Variants in FMN1 observed in about 807,000 individuals in gnomAD.
The protein encoded by FMN1 is formin-1.
FMN1 carries 110 observed loss-of-function variants against 132.4 expected under a neutral mutation model. The observed-to-expected ratio is 0.83, with a 90% CI of 0.71 to 0.97. FMN1 has a LOEUF of 0.97. Ranked by LOEUF, FMN1 falls within the 50% of genes least tolerant of loss-of-function variation. The pLI, the probability that FMN1 is intolerant of heterozygous loss-of-function variation, is 0.00. For synonymous variants in FMN1, 722 were observed against 651.7 expected (o/e 1.11, Z -1.64); for missense variants, 1,792 against 1,705.3 (o/e 1.05, Z -0.90).
At chr15:33,055,172 C>G (rs2037160020) in intron 6 of FMN1, among the ~76,000 whole-genome samples, 2 of 152,130 alleles carry the variant, frequency 1.3e-5, no homozygotes, top group Admixed American at 1.3e-4. Context: ...CTGGAGGCTT[C>G]AACTGCATGA....
chr15:33,140,692 G>T (rs1410229079), intron 4 of FMN1, among the ~76,000 whole-genome samples: 1 of 152,228 alleles, frequency 6.6e-6, no homozygotes, highest in African/African-American at 2.4e-5. Context: ...TCTAACCAGA[G>T]AAGTTGGAGA....
At chr15:32,933,846 C>T (rs1292401535) in intron 9 of FMN1, among the ~76,000 whole-genome samples, 3 of 151,998 alleles carry the variant, frequency 2.0e-5, no homozygotes, top group Non-Finnish European at 2.9e-5. Context: ...TATCTTTTTC[C>T]ATCCCTTTTC....
intron 9 of FMN1, among the ~76,000 whole-genome samples, chr15:32,932,463 T>C (rs781305363): frequency 3.3e-5 from 5 of 152,228 alleles, no homozygotes; most frequent in African/African-American, 4.8e-5. Context: ...CCTGTAGTTT[T>C]CTTTTCTTGT....
intron 16 of FMN1, among the ~76,000 whole-genome samples, chr15:32,878,591 C>T (rs530051182): frequency 6.6e-6 from 1 of 152,274 alleles, no homozygotes; most frequent in Middle Eastern, 3.4e-3. Context: ...AAGTATGACA[C>T]ATTTGGCATA....
At chr15:32,856,513 G>A (rs1258499973) in intron 17 of FMN1, among the ~76,000 whole-genome samples, 1 of 152,194 alleles carries the variant, frequency 6.6e-6, no homozygotes, top group Non-Finnish European at 1.5e-5. Flanking sequence ...AGGGCTGATA[G>A]GTAGCAAGTG....
chr15:32,924,666 T>TACCAG (rs1041381248), intron 10 of FMN1, among the ~76,000 whole-genome samples: 1 of 152,360 alleles, frequency 6.6e-6, no homozygotes, highest in Non-Finnish European at 1.5e-5. Context: ...ACGCCTGTAA[T>TACCAG]CCCAGCACTT....
chr15:33,045,725 T>C (rs1002031020), intron 6 of FMN1, among the ~76,000 whole-genome samples: 9 of 152,110 alleles, frequency 5.9e-5, no homozygotes, highest in Non-Finnish European at 1.2e-4. Flanking sequence ...TGGTAGTAAA[T>C]GGTAATACTG....
chr15:32,833,537 G>A (rs1475931162), intron 17 of FMN1, among the ~76,000 whole-genome samples: 1 of 152,158 alleles, frequency 6.6e-6, no homozygotes, highest in Non-Finnish European at 1.5e-5. Context: ...CCCAGGGTGA[G>A]TGAGTCAGTC....
intron 9 of FMN1, among the ~76,000 whole-genome samples, chr15:32,941,279 G>T (rs571717461): frequency 6.6e-6 from 1 of 152,246 alleles, no homozygotes; most frequent in Admixed American, 6.5e-5. Context: ...GTAAGTATTT[G>T]TAAGATTTTG....
At position 33,122,217 on chromosome 15, in the gene FMN1, C is replaced by T. The variant is rs1323319446; in HGVS notation, c.1867+30831G>A. Among the ~76,000 whole-genome samples the T allele has an allele frequency of 2.6e-5, 4 of 152,028 alleles. No individual in the cohort carries two copies. In the East Asian group the frequency reaches 7.7e-4, roughly 29 times the overall value. ...ATTGAAAACTCTGACCTATAGTCAC[C>T]AAAAAAAGTGAATAAGCTAAGTCTT... is the stretch of plus-strand genomic sequence containing the variant. On this transcript the variant is annotated intron_variant, in intron 4 of 20. Transcript: ENST00000616417.
At chr15:32,936,402 C>T (rs558709687) in intron 9 of FMN1, among the ~76,000 whole-genome samples, 1 of 152,248 alleles carries the variant, frequency 6.6e-6, no homozygotes, top group South Asian at 2.1e-4. Context: ...GATTTTCAAG[C>T]CTTTTTCTGT....
intron 19 of FMN1, among the ~76,000 whole-genome samples, chr15:32,784,968 C>A (rs2056803454): frequency 6.6e-6 from 1 of 151,870 alleles, no homozygotes; most frequent in Non-Finnish European, 1.5e-5. Flanking sequence ...TTACACCTTG[C>A]CTATGGCTTC....
At chr15:33,117,941 G>C (rs193194702) in intron 4 of FMN1, among the ~76,000 whole-genome samples, 1 of 152,256 alleles carries the variant, frequency 6.6e-6, no homozygotes, top group Admixed American at 6.5e-5. Flanking sequence ...GTACGGAAGA[G>C]AAATAATACT....
At chr15:32,868,783 C>T (rs983971436) in intron 16 of FMN1, among the ~76,000 whole-genome samples, 3 of 151,934 alleles carry the variant, frequency 2.0e-5, no homozygotes, top group African/African-American at 7.3e-5. Context: ...CATAAACATT[C>T]ATACATTCAA....
At chr15:32,926,327 A>G (rs2140353757) in intron 9 of FMN1, 66 bp from the exon 10 acceptor site, 1 of 875,022 alleles carries the variant, frequency 1.1e-6, no homozygotes, top group Non-Finnish European at 1.8e-6. Flanking sequence ...CAGGACGCAC[A>G]CCAAAAACAT....
At position 32,858,880 on chromosome 15, in the gene FMN1, T is replaced by TG. The variant is rs141566578; in HGVS notation, c.3836-1774dup. On this transcript the variant is annotated intron_variant, in intron 16 of 20. Coordinates refer to ENST00000616417, the MANE Select transcript of FMN1 (RefSeq NM_001277313.2). The stretch of plus-strand genomic sequence containing the variant: ...TACCCTTCACCTCTTTTGAAATAGA[T>TG]GGATCTGTGGCCAAATGGTAAGTAT... Among the ~76,000 whole-genome samples, 111 of 152,344 alleles carry TG rather than the reference T, an allele frequency of 7.3e-4. 2 individuals carry two copies. The East Asian group carries it at 0.02, about 27-fold the overall frequency.
chr15:33,126,425 G>C (rs1176000229), intron 4 of FMN1, among the ~76,000 whole-genome samples: 1 of 152,102 alleles, frequency 6.6e-6, no homozygotes, highest in African/African-American at 2.4e-5. Context: ...TGGAGGGTGA[G>C]AGGAGAAGGT....
At chr15:33,073,791 C>T (rs1364494979) in intron 5 of FMN1, among the ~76,000 whole-genome samples, 1 of 150,338 alleles carries the variant, frequency 6.7e-6, no homozygotes, top group Non-Finnish European at 1.5e-5. Context: ...AGTACAGTGG[C>T]ACAATCACTG....
chr15:32,940,486 C>T (rs551273738), intron 9 of FMN1, among the ~76,000 whole-genome samples: 3 of 151,298 alleles, frequency 2.0e-5, no homozygotes, highest in East Asian at 3.9e-4. Context: ...ATATAAATAA[C>T]GGATACAGGA....
Sources: allele counts gnomAD v4.1 joint callset (sites outside exome capture counted in the v4.1 genomes callset), GRCh38; gene constraint gnomAD v4.1.1; transcripts MANE v1.5; gene names NCBI Gene and HGNC (gene_info 2026-07-23, HGNC 2026-07-21).